TRAPPC12: variants seen among roughly 807,000 people sequenced by gnomAD.
TRAPPC12 encodes trafficking protein particle complex subunit 12.
A neutral mutation model predicts 69.2 loss-of-function variants in TRAPPC12; 61 were observed. That is an observed-to-expected ratio of 0.88 (90% confidence interval 0.72 to 1.09). TRAPPC12 has a LOEUF of 1.09. TRAPPC12 is among the 50% of genes least tolerant of loss of function. TRAPPC12 has a pLI of 0.00. For synonymous variants in TRAPPC12, 469 were observed against 438.9 expected (o/e 1.07, Z -0.86); for missense variants, 1,101 against 1,016.4 (o/e 1.08, Z -1.13).
chr2:3,425,979 G>A (rs1339947451), intron 5 of TRAPPC12, among the ~76,000 whole-genome samples: 2 of 152,138 alleles, frequency 1.3e-5, no homozygotes, highest in African/African-American at 2.4e-5. Flanking sequence ...GAGGGGCATA[G>A]GAACGAATGT....
chr2:3,424,595 C>T lies in TRAPPC12; in HGVS notation c.1349C>T (p.Pro450Leu). Residue 450 changes from proline (P) to leucine (L), a missense_variant, in exon 5 of 12, where the codon CCC (proline) becomes CTC (leucine). Pro to Leu is a moderately conservative substitution (Grantham distance 98). Coordinates refer to ENST00000324266, the MANE Select transcript of TRAPPC12 (RefSeq NM_016030.6). ...LFQNAEMEFE[P>L]FGNLDQPDLY... ...CAGAATGCTGAGATGGAATTTGAAC[C>T]CTTCGGAAATCTTGATCAGCCAGAT... 1 of 1,614,028 alleles carries T rather than the reference C, an allele frequency of 6.2e-7. No homozygotes were observed. Among genetic ancestry groups the T allele is most frequent in the Non-Finnish European group, 8.5e-7 (1 of 1,179,994 alleles).
intron 2 of TRAPPC12, among the ~76,000 whole-genome samples, chr2:3,390,871 A>G (rs978991782): frequency 1.3e-4 from 20 of 152,178 alleles, no homozygotes; most frequent in African/African-American, 4.8e-4. Context: ...ATACCCGCTT[A>G]ATTTCGCAGC....
intron 8 of TRAPPC12, chr2:3,460,949 C>G (rs1232143951): frequency 6.5e-6 from 1 of 152,840 alleles, no homozygotes; most frequent in Non-Finnish European, 1.5e-5. Context: ...ATCAGGGTGC[C>G]CTGTGTGGAG....
At position 3,387,869 on chromosome 2, in the gene TRAPPC12, G is replaced by A. The variant is rs770897870; in HGVS notation, c.246G>A (p.Ala82=). 13 of 1,590,146 alleles carry A rather than the reference G, an allele frequency of 8.2e-6. No homozygotes were observed. Among genetic ancestry groups the A allele is most frequent in the East Asian group, 2.3e-5 (1 of 43,630 alleles). The part of the protein sequence containing the change: ...ISDSPNSEGD[A]GDLGRVRDEA... ...ACTCCCCCAACAGCGAGGGCGACGC[G>A]GGCGACCTGGGCCGAGTGCGGGACG... The change falls in exon 2 of 12, where the codon GCG becomes GCA. Residue 82 remains alanine, a synonymous_variant. Transcript: ENST00000324266.
intron 3 of TRAPPC12, among the ~76,000 whole-genome samples, chr2:3,412,606 C>T (rs931328831): frequency 6.6e-6 from 1 of 152,154 alleles, no homozygotes; most frequent in Admixed American, 6.5e-5. Context: ...TTTGAGGGTG[C>T]TCATCTTGCA....
chr2:3,382,625 CACTT>C (rs1243431680), intron 1 of TRAPPC12, among the ~76,000 whole-genome samples: 1 of 152,130 alleles, frequency 6.6e-6, no homozygotes, highest in Non-Finnish European at 1.5e-5. Context: ...TGAAAGGAGA[CACTT>C]AATGATTTTA....
chr2:3,448,635 G>T (rs9798097), intron 6 of TRAPPC12, among the ~76,000 whole-genome samples: 662 of 43,366 alleles, frequency 0.015, 3 homozygotes, highest in African/African-American at 0.028. Context: ...AGCCGGTTAC[G>T]CGAGGGTAGG....
At chr2:3,436,865 C>G (rs1246680831) in intron 5 of TRAPPC12, among the ~76,000 whole-genome samples, 1 of 136,002 alleles carries the variant, frequency 7.4e-6, no homozygotes, top group Non-Finnish European at 1.6e-5. Context: ...CCCCATCACC[C>G]CTGGATTAAT....
chr2:3,399,883 G>A (rs2103464128), intron 2 of TRAPPC12, among the ~76,000 whole-genome samples: 1 of 147,828 alleles, frequency 6.8e-6, no homozygotes, highest in Non-Finnish European at 1.5e-5. Context: ...CAGCGGTGAA[G>A]TCCAGGCAGG....
intron 1 of TRAPPC12, among the ~76,000 whole-genome samples, chr2:3,382,505 C>T (rs1471422193): frequency 6.6e-6 from 1 of 152,154 alleles, no homozygotes; most frequent in Non-Finnish European, 1.5e-5. Context: ...TCATAGCTTA[C>T]ACTGCTCATG....
At chr2:3,423,327 TG>T (rs1662921228) in intron 4 of TRAPPC12, among the ~76,000 whole-genome samples, 1 of 113,212 alleles carries the variant, frequency 8.8e-6, no homozygotes, top group East Asian at 4.8e-4. Flanking sequence ...TGCCTTTGTG[TG>T]TGTGTGTGTG....
intron 2 of TRAPPC12, among the ~76,000 whole-genome samples, chr2:3,390,182 C>T (rs1315417229): frequency 2.6e-5 from 4 of 152,180 alleles, no homozygotes; most frequent in Non-Finnish European, 5.9e-5. Context: ...CCCTGTCTGC[C>T]TAGGATTTGT....
intron 7 of TRAPPC12, chr2:3,458,059 G>A (rs1665269899): frequency 2.8e-6 from 1 of 353,724 alleles, no homozygotes; most frequent in Non-Finnish European, 3.1e-6. Flanking sequence ...TCTGCGTCGG[G>A]GACAGAGGCC....
chr2:3,460,327 C>G lies in TRAPPC12; in HGVS notation c.1668C>G (p.Leu556=), dbSNP rs778163313. Residue 556 remains leucine (L), a synonymous_variant, in exon 8 of 12, where the codon CTC becomes CTG. Coordinates refer to ENST00000324266, the MANE Select transcript of TRAPPC12 (RefSeq NM_016030.6). ...TGTACTCCATGGCAAACTGTCTGCT[C>G]CTGATGAAGGTACGTGGGTGGCCAA... ...RVMYSMANCL[L]LMKDYVLAVE... 4 of 873,204 alleles carry G rather than the reference C, an allele frequency of 4.6e-6. No individual in the cohort carries two copies. In the Admixed American group the frequency reaches 6.8e-5, roughly 15 times the overall value. The allele number at this position is 873,204 out of a possible 1,614,324, so 54.1% of individuals were successfully genotyped here.
chr2:3,394,418 C>A (rs1350902562), intron 2 of TRAPPC12, among the ~76,000 whole-genome samples: 1 of 152,006 alleles, frequency 6.6e-6, no homozygotes, highest in African/African-American at 2.4e-5. Context: ...GTCAGGAGAT[C>A]GAGACCACCC....
chr2:3,440,906 A>G lies in TRAPPC12; in HGVS notation c.1418-2873A>G, dbSNP rs60934508. On this transcript the variant is annotated intron_variant, in intron 5 of 11. Transcript: ENST00000324266. ...TTTTGTTAAATGCTTTTCTACATCT[A>G]TTGATATGATTTTTGTTCTTTAGCC... is the stretch of plus-strand genomic sequence containing the variant. 5.4e-3 allele frequency among the ~76,000 whole-genome samples: 826 copies of G among 152,152 alleles called. 6 individuals are homozygous for G. The highest frequency in any genetic ancestry group is 0.018 in the African/African-American group (728 of 41,516).
At chr2:3,386,220 GT>G (rs1328083602) in intron 1 of TRAPPC12, among the ~76,000 whole-genome samples, 1 of 152,126 alleles carries the variant, frequency 6.6e-6, no homozygotes, top group East Asian at 1.9e-4. Flanking sequence ...CATTTTTTAA[GT>G]AAAAAAGGTA....
At chr2:3,388,804 T>G in intron 2 of TRAPPC12, 134 bp downstream of exon 2, 1 of 885,556 alleles carries the variant, frequency 1.1e-6, no homozygotes, top group Non-Finnish European at 1.7e-6. Context: ...TGTGAGCGCC[T>G]GTGTTCCTCT....
chr2:3,447,156 A>G (rs1664554144), intron 6 of TRAPPC12, among the ~76,000 whole-genome samples: 2 of 150,994 alleles, frequency 1.3e-5, no homozygotes, highest in Admixed American at 1.3e-4. Flanking sequence ...GCTGGAGTGC[A>G]GTGGCGCTAT....
Sources: gnomAD v4.1 joint callset for allele counts (sites outside exome capture counted in the v4.1 genomes callset) on GRCh38, gnomAD v4.1.1 for gene constraint, MANE v1.5 for transcripts, NCBI Gene and HGNC (gene_info 2026-07-23, HGNC 2026-07-21) for gene names.